Variants in DNAAF9 observed in about 807,000 individuals in gnomAD.
DNAAF9 encodes dynein axonemal assembly factor 9, also known as shulin.
A neutral mutation model predicts 167.0 loss-of-function variants in DNAAF9; 90 were observed. The ratio of observed to expected loss-of-function variants is 0.54; its 90% CI spans 0.45 to 0.64. The LOEUF is 0.64. Ranked by LOEUF, DNAAF9 falls within the 30% of genes least tolerant of loss-of-function variation. The pLI, the probability that DNAAF9 is intolerant of heterozygous loss-of-function variation, is 0.00. For synonymous variants in DNAAF9, 491 were observed against 508.8 expected, an observed-to-expected ratio of 0.96 and a Z score of 0.47; for missense variants, 1,315 against 1,442.2, an observed-to-expected ratio of 0.91 and a Z score of 1.43.
intron 3 of DNAAF9, 92 bp from the exon 4 acceptor site, chr20:3,376,394 A>C (rs1309367940): frequency 9.8e-7 from 1 of 1,022,500 alleles, no homozygotes; most frequent in African/African-American, 1.6e-5. Flanking sequence ...CATTGAAACT[A>C]CTTCAGAGAC....
chr20:3,299,435 C>T (rs1050848742), intron 21 of DNAAF9, among the ~76,000 whole-genome samples: 1 of 152,088 alleles, frequency 6.6e-6, no homozygotes, highest in Non-Finnish European at 1.5e-5. Flanking sequence ...TTCAGCCTCC[C>T]GACTAGCTGG....
chr20:3,255,953 T>C (rs917770843), intron 34 of DNAAF9, 53 bp downstream of exon 34: 1 of 1,392,324 alleles, frequency 7.2e-7, no homozygotes, highest in African/African-American at 1.4e-5. Context: ...CAACAGCAGC[T>C]CTGAGGTGTC....
intron 30 of DNAAF9, among the ~76,000 whole-genome samples, chr20:3,269,855 G>A (rs1315689857): frequency 1.3e-5 from 2 of 151,872 alleles, no homozygotes; most frequent in African/African-American, 4.8e-5. Flanking sequence ...CTACTCAGGA[G>A]GCTGAGGCAG....
chr20:3,290,602 T>A (rs1049511361), intron 25 of DNAAF9, among the ~76,000 whole-genome samples: 4 of 152,108 alleles, frequency 2.6e-5, no homozygotes, highest in Non-Finnish European at 4.4e-5. Context: ...CATTCAGGGA[T>A]ATTATGACTT....
At position 3,253,864 on chromosome 20, in the gene DNAAF9, A is replaced by G. The variant is rs777046427; in HGVS notation, c.3328-45T>C. On this transcript the variant is annotated intron_variant, in intron 35 of 36. Coordinates refer to ENST00000252032, the MANE Select transcript of DNAAF9 (RefSeq NM_001009984.3). ...TGTAATAATTATCTGACTACTTTCTATACTTCACTCACTCATTAAAACAAA... is the reference window on the plus strand; with the variant it reads ...TGTAATAATTATCTGACTACTTTCTGTACTTCACTCACTCATTAAAACAAA... 2.4e-5 allele frequency: 25 copies of G among 1,023,008 alleles called. No individual in the cohort carries two copies. The African/African-American group carries it at 3.6e-4, about 15-fold the overall frequency. 63.4% of individuals were successfully genotyped at this position (1,023,008 alleles called of 1,614,324 possible). A position where few individuals can be genotyped will look rare whatever the true frequency, so the allele number is the denominator to read the frequency against.
At position 3,375,108 on chromosome 20, in the gene DNAAF9, C is replaced by A; in HGVS notation, c.427G>T (p.Ala143Ser). 1.2e-6 allele frequency: 2 copies of A among 1,606,956 alleles called. No individual in the cohort carries two copies. The highest frequency in any genetic ancestry group is 1.7e-5 in the Admixed American group (1 of 60,008). ...TENEYEDEEAAEEFKITSFVD... is the reference protein window; with the variant it reads ...TENEYEDEEASEEFKITSFVD... ...AAGCTGGTAATTTTAAATTCTTCTGCGGCTTCTTCATCTTCATACTGAAGA... is the reference window on the plus strand; with the variant it reads ...AAGCTGGTAATTTTAAATTCTTCTGAGGCTTCTTCATCTTCATACTGAAGA... Residue 143 changes from alanine (A) to serine (S), a missense_variant, in exon 5 of 37, where the codon GCA (alanine) becomes TCA (serine). Ala to Ser is a moderately conservative substitution (Grantham distance 99). Transcript: ENST00000252032.
At chr20:3,359,670 G>GA in intron 6 of DNAAF9, 77 bp from the exon 7 acceptor site, 4 of 1,041,514 alleles carry the variant, frequency 3.8e-6, no homozygotes, top group Non-Finnish European at 5.8e-6. Context: ...CTGATGTTCA[G>GA]AAATGACTCT....
In DNAAF9 at chr20:3,353,642, C is replaced by G. The variant is rs201394002; in HGVS notation, c.691-5019G>C. On this transcript the variant is annotated intron_variant, in intron 7 of 36. Transcript: ENST00000252032. ...GACCCTGTCCCCCCGCACCACCCCC[C>G]CCCCCGCAAAAAAAAAGGCTATTAA... Among the ~76,000 whole-genome samples, 321 of 135,244 alleles carry G rather than the reference C, an allele frequency of 2.4e-3. 12 individuals are homozygous for G. The highest frequency in any genetic ancestry group is 0.018 in the East Asian group (71 of 4,042). 88.7% of individuals were successfully genotyped at this position (135,244 alleles called of 152,430 possible).
At chr20:3,253,952 C>T (rs766612484) in intron 35 of DNAAF9, 133 bp from the exon 36 acceptor site, 1 of 614,398 alleles carries the variant, frequency 1.6e-6, no homozygotes, top group South Asian at 2.0e-5. Flanking sequence ...AAGCTAACAC[C>T]CCCGGCAAAC....
intron 10 of DNAAF9, among the ~76,000 whole-genome samples, chr20:3,333,150 T>C (rs2069871732): frequency 6.6e-6 from 1 of 152,194 alleles, no homozygotes; most frequent in African/African-American, 2.4e-5. Flanking sequence ...GATGGTGCTA[T>C]CCACATCCCC....
intron 3 of DNAAF9, among the ~76,000 whole-genome samples, chr20:3,378,517 T>A (rs968626570): frequency 6.6e-6 from 1 of 152,048 alleles, no homozygotes; most frequent in Non-Finnish European, 1.5e-5. Context: ...GGAAGAGCCA[T>A]GGGATGGAGT....
At chr20:3,407,447 G>A (rs1568655091) in intron 1 of DNAAF9, 28 bp downstream of exon 1, 2 of 1,288,664 alleles carry the variant, frequency 1.6e-6, no homozygotes, top group Admixed American at 4.0e-5. Context: ...CCGCCCGGCC[G>A]CCCCTCGGCT....
intron 8 of DNAAF9, among the ~76,000 whole-genome samples, chr20:3,346,805 T>A (rs1447899239): frequency 6.6e-6 from 1 of 152,058 alleles, no homozygotes; most frequent in Non-Finnish European, 1.5e-5. Context: ...TCTCTTTCAC[T>A]CTTAGAATCA....
chr20:3,327,684 G>A (rs1450573272), intron 12 of DNAAF9, among the ~76,000 whole-genome samples: 1 of 152,180 alleles, frequency 6.6e-6, no homozygotes, highest in African/African-American at 2.4e-5. Context: ...AGGGCCTCTG[G>A]AAGTGGAATA....
chr20:3,404,413 G>C (rs1157665261), intron 1 of DNAAF9, among the ~76,000 whole-genome samples: 1 of 152,180 alleles, frequency 6.6e-6, no homozygotes, highest in Non-Finnish European at 1.5e-5. Context: ...TCCCACCTCA[G>C]AGGTAGGAAA....
At chr20:3,358,020 A>AT (rs1176769567) in intron 7 of DNAAF9, among the ~76,000 whole-genome samples, 2 of 151,778 alleles carry the variant, frequency 1.3e-5, no homozygotes, top group African/African-American at 4.8e-5. Flanking sequence ...AAATATATAT[A>AT]TTTTTAAAAT....
chr20:3,382,501 C>T lies in DNAAF9; in HGVS notation c.89G>A (p.Ser30Asn). 1 of 1,613,710 alleles carries T rather than the reference C, an allele frequency of 6.2e-7. No individual in the cohort carries two copies. Among genetic ancestry groups the T allele is most frequent in the Non-Finnish European group, 8.5e-7 (1 of 1,179,648 alleles). ...SSRGSPSVSC[S>N]RLRQVQSILT... is the part of the protein sequence containing the mutation. ...GATGCTCTGAACCTGCCGAAGTCGACTGCAGCTGCAACAAGAACAGAAAAT... is the reference window on the plus strand; with the variant it reads ...GATGCTCTGAACCTGCCGAAGTCGATTGCAGCTGCAACAAGAACAGAAAAT... Residue 30 changes from serine to asparagine, a missense_variant, in exon 2 of 37, where the codon AGT becomes AAT. Ser to Asn is a conservative substitution (Grantham distance 46). Coordinates refer to ENST00000252032, the MANE Select transcript of DNAAF9 (RefSeq NM_001009984.3).
intron 23 of DNAAF9, among the ~76,000 whole-genome samples, chr20:3,295,163 C>T (rs2069046072): frequency 6.6e-6 from 1 of 151,114 alleles, no homozygotes; most frequent in Non-Finnish European, 1.5e-5. Flanking sequence ...GCCACCGCAC[C>T]CAGCTCCCAC....
chr20:3,261,798 C>T (rs1297509956), intron 31 of DNAAF9, among the ~76,000 whole-genome samples: 2 of 125,090 alleles, frequency 1.6e-5, no homozygotes, highest in African/African-American at 6.6e-5. Context: ...TCTCCCCATC[C>T]AAACAAGTCA....
Sources: allele counts gnomAD v4.1 joint callset (sites outside exome capture counted in the v4.1 genomes callset), GRCh38; gene constraint gnomAD v4.1.1; transcripts MANE v1.5; gene names NCBI Gene and HGNC (gene_info 2026-07-23, HGNC 2026-07-21).